The following METTL24 variants were observed in gnomAD, a reference collection of about 807,000 sequenced individuals.
The protein encoded by METTL24 is methyltransferase like 24.
In METTL24, 29 loss-of-function variants were observed where a neutral mutation model predicts 32.7. The observed-to-expected ratio is 0.89, with a 90% CI of 0.66 to 1.21. METTL24 has a LOEUF of 1.21. Ranked by LOEUF, METTL24 falls within the 50% of genes most tolerant of loss-of-function variation. The probability of loss-of-function intolerance (pLI) is 0.00; values close to 1 mark genes in which losing one functional copy is unlikely to be tolerated. For missense variants in METTL24, 439 were observed against 468.1 expected, an observed-to-expected ratio of 0.94 and a Z score of 0.57; for synonymous variants, 163 against 179.5, an observed-to-expected ratio of 0.91 and a Z score of 0.73.
chr6:110,344,306 C>T (rs1582441891), intron 1 of METTL24, among the ~76,000 whole-genome samples: 2 of 152,098 alleles, frequency 1.3e-5, no homozygotes, highest in South Asian at 2.1e-4. Flanking sequence ...AACTCTAGCA[C>T]GAGAGTCTCC....
chr6:110,254,080 C>T, intron 4 of METTL24: 1 of 642,308 alleles, frequency 1.6e-6, no homozygotes, highest in South Asian at 8.2e-5. Context: ...ATGAAAGCCT[C>T]TATCAATAAT....
At position 110,323,876 on chromosome 6, in the gene METTL24, T is replaced by C. The variant is rs1050695498; in HGVS notation, c.319-1004A>G. Among the ~76,000 whole-genome samples, 11 of 152,042 alleles carry C rather than the reference T, an allele frequency of 7.2e-5. No individual in the cohort carries two copies. The East Asian group carries it at 1.8e-3, about 24-fold the overall frequency. On this transcript the variant is annotated intron_variant, in intron 1 of 4. Coordinates refer to ENST00000338882, the MANE Select transcript of METTL24 (RefSeq NM_001123364.3). ...ATGGGCCCCTAAACCCCTTTTTATA[T>C]GGTGAGGAAGTAGGCAGGGGAGGGT...
intron 1 of METTL24, among the ~76,000 whole-genome samples, chr6:110,326,167 C>G (rs920348874): frequency 2.0e-5 from 3 of 152,198 alleles, no homozygotes; most frequent in African/African-American, 2.4e-5. Flanking sequence ...CCCCAAATAC[C>G]TTTGTTCCAG....
intron 1 of METTL24, 50 bp downstream of exon 1, chr6:110,357,905 G>T: frequency 9.1e-7 from 1 of 1,094,328 alleles, no homozygotes; most frequent in Non-Finnish European, 1.1e-6. Context: ...TAGCGCGGTC[G>T]GGAGGGGGCT....
At chr6:110,337,850 C>G (rs1214569485) in intron 1 of METTL24, among the ~76,000 whole-genome samples, 3 of 152,196 alleles carry the variant, frequency 2.0e-5, no homozygotes, top group Non-Finnish European at 4.4e-5. Flanking sequence ...CCATGCAAAG[C>G]AGGTGCTTCA....
Position 110,358,171 on chromosome 6 carries a change from C to T in METTL24, c.102G>A (p.Arg34=). 7.8e-7 allele frequency: 1 copy of T among 1,281,974 alleles called. No homozygotes were observed. Among genetic ancestry groups the T allele is most frequent in the Non-Finnish European group, 9.8e-7 (1 of 1,015,944 alleles). The allele number at this position is 1,281,974 out of a possible 1,614,324, so 79.4% of individuals were successfully genotyped here. A position where few individuals can be genotyped will look rare whatever the true frequency, so the allele number is the denominator to read the frequency against. ...GGGTGGGGGACCCGGGCCCGGCGCGCCGCAGCTCTGCGCAGAGCCGCAGGC... is the reference window on the plus strand; with the variant it reads ...GGGTGGGGGACCCGGGCCCGGCGCGTCGCAGCTCTGCGCAGAGCCGCAGGC... ...LFGLRLCAEL[R]RAGPGSPTRS... The change falls in exon 1 of 5, where the codon CGG becomes CGA. Residue 34 remains arginine (R), a synonymous_variant. Coordinates refer to ENST00000338882, the MANE Select transcript of METTL24 (RefSeq NM_001123364.3).
chr6:110,337,719 G>C (rs1409443078), intron 1 of METTL24, among the ~76,000 whole-genome samples: 1 of 152,140 alleles, frequency 6.6e-6, no homozygotes. Flanking sequence ...CTCCTGCCCA[G>C]AATTCTCCCG....
At chr6:110,286,505 G>A (rs1263440088) in intron 4 of METTL24, among the ~76,000 whole-genome samples, 6 of 152,130 alleles carry the variant, frequency 3.9e-5, no homozygotes, top group Admixed American at 6.5e-5. Flanking sequence ...GTTGTCCAGC[G>A]TCCCCCATTC....
chr6:110,340,072 T>C (rs1465536285), intron 1 of METTL24, among the ~76,000 whole-genome samples: 4 of 152,136 alleles, frequency 2.6e-5, no homozygotes, highest in Non-Finnish European at 5.9e-5. Context: ...TATTTACAAA[T>C]GAAACAACAC....
intron 2 of METTL24, among the ~76,000 whole-genome samples, chr6:110,319,762 C>T (rs1170222171): frequency 6.6e-6 from 1 of 152,036 alleles, no homozygotes; most frequent in Non-Finnish European, 1.5e-5. Flanking sequence ...ATGTTCCGCA[C>T]ACTCTACCCA....
chr6:110,348,444 C>T lies in METTL24; in HGVS notation c.318+9511G>A, dbSNP rs544701941. Among the ~76,000 whole-genome samples the T allele has an allele frequency of 1.1e-4, 17 of 152,322 alleles. 1 individual carries two copies. The East Asian group carries it at 1.3e-3, about 12-fold the overall frequency. On this transcript the variant is annotated intron_variant, in intron 1 of 4. Transcript: ENST00000338882. The stretch of plus-strand genomic sequence containing the variant: ...ATTACTTTCACTGACTTCTCCCATA[C>T]GCTACTCCCGAAACTGCTGAAGGAA...
chr6:110,342,836 A>G (rs1772386342), intron 1 of METTL24, among the ~76,000 whole-genome samples: 1 of 152,204 alleles, frequency 6.6e-6, no homozygotes, highest in Non-Finnish European at 1.5e-5. Flanking sequence ...GCTTTTACTT[A>G]GCATTAGGTT....
At chr6:110,252,127 G>C (rs757745686) in intron 4 of METTL24, among the ~76,000 whole-genome samples, 15 of 152,146 alleles carry the variant, frequency 9.9e-5, no homozygotes, top group Non-Finnish European at 2.2e-4. Context: ...CTGGGAGATA[G>C]AGCAAAACTC....
intron 1 of METTL24, among the ~76,000 whole-genome samples, chr6:110,348,314 G>C (rs986617669): frequency 2.6e-5 from 4 of 152,220 alleles, no homozygotes; most frequent in Admixed American, 6.5e-5. Flanking sequence ...ACTGCTGACT[G>C]CAAGTATGAA....
At chr6:110,340,707 T>C (rs545422614) in intron 1 of METTL24, among the ~76,000 whole-genome samples, 39 of 152,334 alleles carry the variant, frequency 2.6e-4, no homozygotes, top group African/African-American at 8.2e-4. Flanking sequence ...CTCAAAAGCA[T>C]GGAGAACCAC....
intron 4 of METTL24, among the ~76,000 whole-genome samples, chr6:110,246,816 C>T (rs1266515127): frequency 1.3e-5 from 2 of 152,062 alleles, no homozygotes; most frequent in Non-Finnish European, 2.9e-5. Context: ...TTGCAGGCCT[C>T]ATCCCCCCAA....
chr6:110,281,781 C>T (rs1771141377), intron 4 of METTL24, among the ~76,000 whole-genome samples: 1 of 152,084 alleles, frequency 6.6e-6, no homozygotes, highest in Non-Finnish European at 1.5e-5. Flanking sequence ...ACACTTGGTG[C>T]TATACTTGAT....
intron 4 of METTL24, among the ~76,000 whole-genome samples, chr6:110,286,886 C>T (rs891338095): frequency 1.3e-5 from 2 of 152,222 alleles, no homozygotes; most frequent in African/African-American, 4.8e-5. Context: ...TGCGCTTGAA[C>T]GTCAGACTCC....
intron 4 of METTL24, among the ~76,000 whole-genome samples, chr6:110,258,287 T>C (rs1778421972): frequency 6.6e-6 from 1 of 152,180 alleles, no homozygotes; most frequent in African/African-American, 2.4e-5. Flanking sequence ...ACAAGAAATA[T>C]ACAGAAGTAT....
Sources: gnomAD v4.1 joint callset for allele counts (sites outside exome capture counted in the v4.1 genomes callset) on GRCh38, gnomAD v4.1.1 for gene constraint, MANE v1.5 for transcripts, NCBI Gene and HGNC (gene_info 2026-07-23, HGNC 2026-07-21) for gene names.